CFDP1: variants seen among roughly 807,000 people sequenced by gnomAD.
CFDP1 encodes the protein chromatin remodeling protein CFDP1, also known as heterochromatin-stabilizing protein CFDP1.
CFDP1 carries 31 observed loss-of-function variants against 40.1 expected under a neutral mutation model. That is an observed-to-expected ratio of 0.77 (90% confidence interval 0.58 to 1.04). The LOEUF (loss-of-function observed/expected upper bound fraction) is 1.04. CFDP1 is among the 50% of genes least tolerant of loss of function. The pLI is 0.00. For missense variants in CFDP1, 423 were observed against 343.4 expected (o/e 1.23, Z -1.83); for synonymous variants, 167 against 120.0 (o/e 1.39, Z -2.56).
chr16:75,388,483 A>C (rs1039616138), intron 5 of CFDP1, among the ~76,000 whole-genome samples: 12 of 152,228 alleles, frequency 7.9e-5, no homozygotes, highest in African/African-American at 2.9e-4. Context: ...TGCAGGTAAT[A>C]TAAATGAGTA....
chr16:75,298,163 T>G (rs1480670293), intron 6 of CFDP1, among the ~76,000 whole-genome samples: 1 of 152,258 alleles, frequency 6.6e-6, no homozygotes, highest in Admixed American at 6.5e-5. Context: ...TTGTTTAAAC[T>G]TGGGTCCCAT....
intron 5 of CFDP1, among the ~76,000 whole-genome samples, chr16:75,316,719 T>C (rs905454799): frequency 2.6e-4 from 39 of 151,804 alleles, no homozygotes; most frequent in Middle Eastern, 6.8e-3. Flanking sequence ...CCTGTAATCC[T>C]AGCACTTTGG....
chr16:75,419,892 G>A (rs1489691098), intron 1 of CFDP1, among the ~76,000 whole-genome samples: 1 of 152,066 alleles, frequency 6.6e-6, no homozygotes, highest in African/African-American at 2.4e-5. Flanking sequence ...TCTGTCTATG[G>A]AGTAGACATT....
rs67126172 is a variant in CFDP1, at chr16:75,349,690, A to AATATATAT, written c.651-44516_651-44509dup. On this transcript the variant is annotated intron_variant, in intron 5 of 6. Transcript: ENST00000283882. Reference sequence around the variant, plus strand: ...AAAAAAAAAAAAAAAAAAAAAAAAAAATATATATACATACATATATACGGT... The same window carrying AATATATAT: ...AAAAAAAAAAAAAAAAAAAAAAAAAAATATATATATATATATACATACATATATACGGT... Among the ~76,000 whole-genome samples the AATATATAT allele has an allele frequency of 3.7e-3, 48 of 13,078 alleles. 10 individuals are homozygous for AATATATAT. Among genetic ancestry groups the AATATATAT allele is most frequent in the Middle Eastern group, 0.045 (1 of 22 alleles). The allele number at this position is 13,078 out of a possible 152,430, so 8.6% of individuals were successfully genotyped here.
intron 5 of CFDP1, chr16:75,380,173 C>T (rs2078841174): frequency 6.6e-6 from 1 of 151,766 alleles, no homozygotes; most frequent in South Asian, 2.1e-4. Context: ...CATAGGGTAT[C>T]TGCACTTAAA....
intron 1 of CFDP1, among the ~76,000 whole-genome samples, chr16:75,423,640 G>C (rs967032789): frequency 1.3e-5 from 2 of 151,890 alleles, no homozygotes; most frequent in Non-Finnish European, 2.9e-5. Flanking sequence ...TCAGCCTCCC[G>C]AGCAGCTGGG....
intron 1 of CFDP1, among the ~76,000 whole-genome samples, chr16:75,430,315 A>G (rs995864166): frequency 7.2e-5 from 11 of 151,928 alleles, no homozygotes; most frequent in Non-Finnish European, 1.2e-4. Context: ...GATTACAGGC[A>G]CACGCCACCA....
intron 5 of CFDP1, among the ~76,000 whole-genome samples, chr16:75,388,796 G>T (rs1011094134): frequency 1.3e-5 from 2 of 152,174 alleles, no homozygotes; most frequent in African/African-American, 4.8e-5. Flanking sequence ...TGTCTTCTCA[G>T]TCCTTAGTCT....
intron 5 of CFDP1, among the ~76,000 whole-genome samples, chr16:75,355,846 G>T (rs896214941): frequency 3.3e-5 from 5 of 152,154 alleles, no homozygotes; most frequent in African/African-American, 1.2e-4. Context: ...CCAGCTATGC[G>T]GAACTGAGAG....
At chr16:75,410,494 C>A (rs2151583286) in intron 4 of CFDP1, among the ~76,000 whole-genome samples, 1 of 152,198 alleles carries the variant, frequency 6.6e-6, no homozygotes, top group South Asian at 2.1e-4. Flanking sequence ...AATATTGAGG[C>A]CGGGGACAGT....
intron 4 of CFDP1, among the ~76,000 whole-genome samples, chr16:75,406,314 C>T (rs1214134747): frequency 2.6e-5 from 4 of 151,918 alleles, no homozygotes; most frequent in Admixed American, 6.6e-5. Context: ...GAGATCATGG[C>T]TGTAGTGGGC....
intron 4 of CFDP1, among the ~76,000 whole-genome samples, chr16:75,397,516 C>A (rs2079006374): frequency 6.7e-6 from 1 of 150,012 alleles, no homozygotes; most frequent in African/African-American, 2.5e-5. Flanking sequence ...AAAAAGAAAA[C>A]AACAGGCCGG....
At chr16:75,370,729 G>A (rs2078745593) in intron 5 of CFDP1, among the ~76,000 whole-genome samples, 1 of 152,076 alleles carries the variant, frequency 6.6e-6, no homozygotes, top group Admixed American at 6.5e-5. Flanking sequence ...TGGTGTGGTG[G>A]CATGTGCCTG....
At chr16:75,418,533 A>T (rs12928722) in intron 1 of CFDP1, among the ~76,000 whole-genome samples, 78,633 of 151,454 alleles carry the variant, frequency 0.52, 21,456 homozygotes, top group Admixed American at 0.64. Context: ...ATGGTCTCGA[A>T]CTCCTGACCT....
rs1431074043 is a variant in CFDP1, at chr16:75,411,909, A to C, written c.446T>G (p.Val149Gly). 6.2e-7 allele frequency: 1 copy of C among 1,611,744 alleles called. No individual in the cohort carries two copies. Among genetic ancestry groups the C allele is most frequent in the African/African-American group, 1.3e-5 (1 of 74,796 alleles). ...AGGTTTCTCTAGCTCTTCTGCTTTT[A>C]CCAACAATTTACTTGAACTTGTCTC... ...TEETSSSKLL[V>G]KAEELEKPKE... The change falls in exon 4 of 7, where the codon GTA becomes GGA. Residue 149 changes from valine (V) to glycine (G), a missense_variant. Physicochemically the swap from Val to Gly is moderately radical, Grantham distance 109. Coordinates refer to ENST00000283882, the MANE Select transcript of CFDP1 (RefSeq NM_006324.3).
intron 5 of CFDP1, among the ~76,000 whole-genome samples, chr16:75,369,281 G>A (rs1228161345): frequency 2.0e-5 from 3 of 152,034 alleles, no homozygotes; most frequent in Non-Finnish European, 4.4e-5. Flanking sequence ...GCCAGGCGCA[G>A]TAGCTCATGC....
At chr16:75,432,339 C>T (rs1416519710) in intron 1 of CFDP1, among the ~76,000 whole-genome samples, 6 of 143,566 alleles carry the variant, frequency 4.2e-5, no homozygotes, top group Non-Finnish European at 6.1e-5. Context: ...AGTTCGAGAC[C>T]AGCCTGGGCA....
At chr16:75,351,800 G>C (rs905518590) in intron 5 of CFDP1, among the ~76,000 whole-genome samples, 5 of 151,828 alleles carry the variant, frequency 3.3e-5, no homozygotes, top group African/African-American at 1.2e-4. Context: ...TTGAGGTCAG[G>C]AGTTCGAGAC....
chr16:75,413,992 T>C (rs1236927618), intron 2 of CFDP1, among the ~76,000 whole-genome samples: 1 of 152,168 alleles, frequency 6.6e-6, no homozygotes, highest in Non-Finnish European at 1.5e-5. Flanking sequence ...TGTATACATG[T>C]ATACAAAGAA....
Sources: allele counts gnomAD v4.1 joint callset (sites outside exome capture counted in the v4.1 genomes callset), GRCh38; gene constraint gnomAD v4.1.1; transcripts MANE v1.5; gene names NCBI Gene and HGNC (gene_info 2026-07-23, HGNC 2026-07-21).